The following TCF12 variants were observed in gnomAD, a reference collection of about 807,000 sequenced individuals.
The protein encoded by TCF12 is transcription factor 12, also known as DNA-binding protein HTF4.
A neutral mutation model predicts 86.0 loss-of-function variants in TCF12; 45 were observed. That is an observed-to-expected ratio of 0.52 (90% confidence interval 0.41 to 0.67). The LOEUF is 0.67. Ranked by LOEUF, TCF12 falls within the 30% of genes least tolerant of loss-of-function variation. TCF12 has a pLI of 0.00. For missense variants in TCF12, 881 were observed against 859.9 expected (o/e 1.02, Z -0.31); for synonymous variants, 330 against 299.6 (o/e 1.10, Z -1.05).
rs540039108 is a variant in TCF12 at position 57,215,837 on chromosome 15, A to G, written c.580-15315A>G. Among the ~76,000 whole-genome samples, 26 of 152,280 alleles carry G rather than the reference A, an allele frequency of 1.7e-4. 1 individual carries two copies. The South Asian group carries it at 5.4e-3, about 32-fold the overall frequency. On this transcript the variant is annotated intron_variant, in intron 8 of 20. Coordinates refer to ENST00000333725, the MANE Select transcript of TCF12 (RefSeq NM_207037.2). ...CAAATATCAGGATAAAAATGAGCTA[A>G]TAAAGTAGATAAAAATACTGCGTGG...
At chr15:57,197,865 T>C in intron 8 of TCF12, 40 bp downstream of exon 8, 1 of 1,595,192 alleles carries the variant, frequency 6.3e-7, no homozygotes, top group Non-Finnish European at 8.6e-7. Context: ...GTAAACAAAC[T>C]GATTTCAAGT....
chr15:57,077,460 T>C (rs2070212652), intron 4 of TCF12, among the ~76,000 whole-genome samples: 1 of 147,500 alleles, frequency 6.8e-6, no homozygotes, highest in African/African-American at 2.5e-5. Context: ...TATTTTTAGA[T>C]AGTTTTTAGT....
At chr15:57,056,053 C>G (rs2067993913) in intron 3 of TCF12, among the ~76,000 whole-genome samples, 1 of 151,658 alleles carries the variant, frequency 6.6e-6, no homozygotes, top group African/African-American at 2.4e-5. Flanking sequence ...CCCCTGTTAT[C>G]TCCATTTACT....
intron 6 of TCF12, among the ~76,000 whole-genome samples, chr15:57,188,010 A>G (rs2056774856): frequency 6.6e-6 from 1 of 152,120 alleles, no homozygotes; most frequent in Non-Finnish European, 1.5e-5. Flanking sequence ...TAAAAGAAGT[A>G]AAACTATCCT....
intron 13 of TCF12, among the ~76,000 whole-genome samples, chr15:57,244,113 A>C (rs1251522521): frequency 1.3e-5 from 2 of 152,120 alleles, no homozygotes; most frequent in African/African-American, 4.8e-5. Flanking sequence ...ACCTGAGCTC[A>C]AGCAATCCTC....
intron 3 of TCF12, among the ~76,000 whole-genome samples, chr15:57,056,615 G>A (rs1270626665): frequency 3.3e-5 from 5 of 151,888 alleles, no homozygotes; most frequent in Admixed American, 6.6e-5. Flanking sequence ...GCACACTGCC[G>A]TGCCTGGCTA....
chr15:57,125,545 A>G (rs1364868917), intron 5 of TCF12, among the ~76,000 whole-genome samples: 1 of 152,276 alleles, frequency 6.6e-6, no homozygotes, highest in East Asian at 1.9e-4. Context: ...ACTTAAAGAT[A>G]CCAGACAAGC....
intron 5 of TCF12, among the ~76,000 whole-genome samples, chr15:57,131,909 G>C (rs181267697): frequency 1.3e-4 from 20 of 152,314 alleles, no homozygotes; most frequent in Admixed American, 6.5e-4. Flanking sequence ...ATTTGGAAAA[G>C]AAGTTAGGTA....
At chr15:57,015,077 T>G (rs2141200144) in intron 3 of TCF12, among the ~76,000 whole-genome samples, 1 of 152,082 alleles carries the variant, frequency 6.6e-6, no homozygotes, top group African/African-American at 2.4e-5. Flanking sequence ...TTGCTTGGGC[T>G]CAGGAGTTCA....
chr15:57,077,343 G>A (rs1440688827), intron 4 of TCF12, among the ~76,000 whole-genome samples: 18 of 45,838 alleles, frequency 3.9e-4, no homozygotes, highest in Non-Finnish European at 7.0e-4. Context: ...GTGTGTGTGT[G>A]TGTGTGTGTG....
chr15:57,057,782 A>T (rs1249868259), intron 3 of TCF12, among the ~76,000 whole-genome samples: 1 of 152,180 alleles, frequency 6.6e-6, no homozygotes, highest in Admixed American at 6.5e-5. Context: ...GGGCAAGAAG[A>T]AGGGAAAACA....
intron 6 of TCF12, among the ~76,000 whole-genome samples, chr15:57,169,861 T>G (rs1202332302): frequency 6.6e-6 from 1 of 152,232 alleles, no homozygotes; most frequent in Non-Finnish European, 1.5e-5. Flanking sequence ...GTTCTATTAA[T>G]GTAATTGTCC....
chr15:57,015,444 A>G lies in TCF12; in HGVS notation c.149-48306A>G, dbSNP rs777762921. ...AACCTTCCATGCAAAATAGCTGTCA[A>G]TATCTTCAGATGTCTTGCCCACCCC... On this transcript the variant is annotated intron_variant, in intron 3 of 20. Coordinates refer to ENST00000333725, the MANE Select transcript of TCF12 (RefSeq NM_207037.2). 8.5e-5 allele frequency among the ~76,000 whole-genome samples: 13 copies of G among 152,320 alleles called. No homozygotes were observed. In the South Asian group the frequency reaches 1.5e-3, roughly 17 times the overall value.
intron 3 of TCF12, among the ~76,000 whole-genome samples, chr15:57,012,117 C>A (rs1215332270): frequency 6.6e-6 from 1 of 151,926 alleles, no homozygotes; most frequent in Non-Finnish European, 1.5e-5. Context: ...TTTTAATTTG[C>A]TTACAGAAAA....
At chr15:57,078,740 A>T (rs2733190) in intron 4 of TCF12, among the ~76,000 whole-genome samples, 1,875 of 152,316 alleles carry the variant, frequency 0.012, 42 homozygotes, top group African/African-American at 0.043. Context: ...AGACGAGAAG[A>T]TGAAGTATCA....
intron 19 of TCF12, among the ~76,000 whole-genome samples, chr15:57,274,727 A>T (rs2061301033): frequency 6.6e-6 from 1 of 152,094 alleles, no homozygotes; most frequent in South Asian, 2.1e-4. Context: ...CCAGCCATTT[A>T]TTGTTAAAGC....
intron 6 of TCF12, among the ~76,000 whole-genome samples, chr15:57,182,637 T>C (rs1329405775): frequency 3.3e-5 from 5 of 152,182 alleles, no homozygotes; most frequent in African/African-American, 1.2e-4. Context: ...AAGTGTAACC[T>C]GTGCATCTTT....
chr15:56,920,487 C>CGTGTGTGTGTGTGTGTGTGTGTGTGT, intron 2 of TCF12, among the ~76,000 whole-genome samples: 1 of 146,960 alleles, frequency 6.8e-6, no homozygotes, highest in African/African-American at 2.5e-5. Context: ...CACACACACA[C>CGTGTGTGTGTGTGTGTGTGTGTGTGT]GTGTGTGTGT....
At chr15:57,039,149 T>G (rs965913301) in intron 3 of TCF12, among the ~76,000 whole-genome samples, 1 of 152,182 alleles carries the variant, frequency 6.6e-6, no homozygotes, top group Non-Finnish European at 1.5e-5. Flanking sequence ...CCTTTTTGAT[T>G]TGATTAATTT....
Sources: gnomAD v4.1 joint callset for allele counts (sites outside exome capture counted in the v4.1 genomes callset) on GRCh38, gnomAD v4.1.1 for gene constraint, MANE v1.5 for transcripts, NCBI Gene and HGNC (gene_info 2026-07-23, HGNC 2026-07-21) for gene names.